The following RAP1GAP2 variants were observed in gnomAD, a reference collection of about 807,000 sequenced individuals.
RAP1GAP2 encodes RAP1 GTPase activating protein 2.
In RAP1GAP2, 27 loss-of-function variants were observed where a neutral mutation model predicts 95.0. The ratio of observed to expected loss-of-function variants is 0.28; its 90% CI spans 0.21 to 0.39. The LOEUF is 0.39. Ranked by LOEUF, RAP1GAP2 falls within the 10% of genes least tolerant of loss-of-function variation. The probability of loss-of-function intolerance (pLI) is 1.00; values close to 1 mark genes in which losing one functional copy is unlikely to be tolerated. For synonymous variants in RAP1GAP2, 373 were observed against 380.9 expected, an observed-to-expected ratio of 0.98 and a Z score of 0.24; for missense variants, 771 against 970.0, an observed-to-expected ratio of 0.79 and a Z score of 2.72.
intron 3 of RAP1GAP2, among the ~76,000 whole-genome samples, chr17:2,940,553 G>A (rs761432010): frequency 1.3e-5 from 2 of 152,212 alleles, no homozygotes; most frequent in Non-Finnish European, 1.5e-5. Context: ...TCTCTTCTTT[G>A]GGCTGTGGTT....
rs759866014 is a variant in RAP1GAP2, at chr17:2,963,947, C to T, written c.371C>T (p.Thr124Ile). 1.2e-6 allele frequency: 2 copies of T among 1,613,338 alleles called. No individual in the cohort carries two copies. Among genetic ancestry groups the T allele is most frequent in the African/African-American group, 1.3e-5 (1 of 74,960 alleles). The change falls in exon 7 of 25, where the codon ACA becomes ATA. Residue 124 changes from threonine to isoleucine, a missense_variant. Physicochemically the swap from Thr to Ile is moderately conservative, Grantham distance 89 (BLOSUM62 -1). Coordinates refer to ENST00000254695, the MANE Select transcript of RAP1GAP2 (RefSeq NM_015085.5). The surrounding 1 kb of genome is among the most constrained non-coding windows in gnomAD (Gnocchi z 4.8). ...IEDPENVGTP[T>I]SLGSSICEEE... is the part of the protein sequence containing the mutation. ...GACCCGGAGAACGTGGGCACCCCAA[C>T]ATCGCTGGGGAGCAGCATCTGTGAG... is the stretch of plus-strand genomic sequence containing the variant.
rs531409802 is a variant in RAP1GAP2 at position 2,873,060 on chromosome 17, G to A, written c.81-32224G>A. 3.7e-4 allele frequency among the ~76,000 whole-genome samples: 56 copies of A among 150,248 alleles called. No individual in the cohort carries two copies. The East Asian group carries it at 5.5e-3, about 15-fold the overall frequency. On this transcript the variant is annotated intron_variant, in intron 2 of 24. Coordinates refer to ENST00000254695, the MANE Select transcript of RAP1GAP2 (RefSeq NM_015085.5). ...GGAGGTTGCAGTGAGCTGAGATTGC[G>A]CCACCGCACTCCAGCCTAGGGGACA...
rs931211447 is a variant in RAP1GAP2, at chr17:2,853,963, C to T, written c.81-51321C>T. On this transcript the variant is annotated intron_variant, in intron 2 of 24. Coordinates refer to ENST00000254695, the MANE Select transcript of RAP1GAP2 (RefSeq NM_015085.5). ...GGAGCCGGGGCTGCGGGGACGCGGG[C>T]GGGCGAGGTCGGGCACCGCGGGCGG... 7 of 983,254 alleles carry T rather than the reference C, an allele frequency of 7.1e-6. No individual in the cohort carries two copies. In the African/African-American group the frequency reaches 1.1e-4, roughly 15 times the overall value. The allele number at this position is 983,254 out of a possible 1,614,324, so 60.9% of individuals were successfully genotyped here.
intron 2 of RAP1GAP2, among the ~76,000 whole-genome samples, chr17:2,820,100 C>T (rs1258138117): frequency 1.3e-5 from 2 of 152,038 alleles, no homozygotes; most frequent in African/African-American, 4.8e-5. Flanking sequence ...CTTTTTGGTG[C>T]CATGCATATT....
At chr17:3,009,659 C>T (rs1170599294) in intron 17 of RAP1GAP2, among the ~76,000 whole-genome samples, 1 of 152,156 alleles carries the variant, frequency 6.6e-6, no homozygotes, top group African/African-American at 2.4e-5. Context: ...CTAGTTGGGG[C>T]CAGCTGCCAA....
At chr17:2,876,333 TC>T (rs1321807094) in intron 2 of RAP1GAP2, among the ~76,000 whole-genome samples, 1 of 152,164 alleles carries the variant, frequency 6.6e-6, no homozygotes, top group Non-Finnish European at 1.5e-5. Flanking sequence ...CCCCAGGAGA[TC>T]CCGAGAACAA....
At chr17:2,878,631 CCTAA>C (rs1156698525) in intron 2 of RAP1GAP2, among the ~76,000 whole-genome samples, 2 of 152,194 alleles carry the variant, frequency 1.3e-5, no homozygotes, top group East Asian at 3.9e-4. Context: ...GGTTCATCAG[CCTAA>C]CTAAGGAAGG....
chr17:2,775,408 TG>T (rs1304649421), upstream of RAP1GAP2, among the ~76,000 whole-genome samples: 2 of 147,954 alleles, frequency 1.4e-5, no homozygotes, highest in Non-Finnish European at 1.5e-5. Flanking sequence ...TCCAAGAAAG[TG>T]ACATGTGAGC....
rs1443707756 is a variant in RAP1GAP2, at chr17:3,026,076, C to A, written c.1820C>A (p.Thr607Asn). 6.2e-7 allele frequency: 1 copy of A among 1,613,660 alleles called. No individual in the cohort carries two copies. The highest frequency in any genetic ancestry group is 8.5e-7 in the Non-Finnish European group (1 of 1,179,624). Residue 607 changes from threonine (T) to asparagine (N), a missense_variant, in exon 20 of 25, where the codon ACC becomes AAC. Physicochemically the swap from Thr to Asn is moderately conservative, Grantham distance 65 (BLOSUM62 0). Transcript: ENST00000254695. ...GHSSQEIKSE[T>N]SSNPSSPEIC... ...TCCTCTCAGGAGATAAAGTCTGAGA[C>A]CTCATCCAATCCCAGCTCTCCGGAA...
intron 2 of RAP1GAP2, among the ~76,000 whole-genome samples, chr17:2,860,675 C>T (rs2072347127): frequency 1.4e-5 from 2 of 143,232 alleles, no homozygotes; most frequent in South Asian, 4.5e-4. Flanking sequence ...GCGATCTCAG[C>T]TCACTGCAGC....
chr17:2,815,620 T>C lies in RAP1GAP2; in HGVS notation c.80+15070T>C, dbSNP rs1394951186. 2.6e-5 allele frequency among the ~76,000 whole-genome samples: 4 copies of C among 152,050 alleles called. No homozygotes were observed. In the East Asian group the frequency reaches 7.7e-4, roughly 29 times the overall value. On this transcript the variant is annotated intron_variant, in intron 2 of 24. Transcript: ENST00000254695. ...TCTCAGCCTCTTGAGTAGCTGGGAT[T>C]ACAGGCGCGCACCACCACGCCCAGC...
At position 2,968,229 on chromosome 17, in the gene RAP1GAP2, G is replaced by A. The variant is rs111835321; in HGVS notation, c.596+2586G>A. 2.0e-3 allele frequency among the ~76,000 whole-genome samples: 305 copies of A among 152,174 alleles called. 1 individual carries two copies. Among genetic ancestry groups the A allele is most frequent in the African/African-American group, 6.5e-3 (271 of 41,516 alleles). ...AGGAAACAGTTGCTGGTTAAGTTAG[G>A]GAGATAATAAAATAAAAATGGACAA... On this transcript the variant is annotated intron_variant, in intron 8 of 24. Transcript: ENST00000254695.
At chr17:3,006,110 G>C in intron 16 of RAP1GAP2, 69 bp downstream of exon 16, 1 of 1,131,528 alleles carries the variant, frequency 8.8e-7, no homozygotes, top group Non-Finnish European at 1.3e-6. Flanking sequence ...CTCATCCAGG[G>C]CTCCTCCATC....
chr17:2,821,486 C>G lies in RAP1GAP2; in HGVS notation c.80+20936C>G, dbSNP rs377427431. ...CACCTCCTAGGCTCAAGCGATCCTC[C>G]CACCTTAGCCTCCGGAGTAGCTGGG... is the stretch of plus-strand genomic sequence containing the variant. On this transcript the variant is annotated intron_variant, in intron 2 of 24. Coordinates refer to ENST00000254695, the MANE Select transcript of RAP1GAP2 (RefSeq NM_015085.5). 8.6e-5 allele frequency among the ~76,000 whole-genome samples: 13 copies of G among 151,968 alleles called. No individual in the cohort carries two copies. In the East Asian group the frequency reaches 2.5e-3, roughly 29 times the overall value.
At position 3,036,755 on chromosome 17, in the gene RAP1GAP2, CCT is replaced by C. The variant is rs1335702358; in HGVS notation, c.*3395_*3396del. On this transcript the variant is annotated 3_prime_UTR_variant, in exon 25 of 25. Coordinates refer to ENST00000254695, the MANE Select transcript of RAP1GAP2 (RefSeq NM_015085.5). Reference sequence around the variant, plus strand: ...GTCAAAGAAAAACTCTTCATTTCTCCCTGATTCTTAAACGAAGGTGGTTAATA... The same window carrying C: ...GTCAAAGAAAAACTCTTCATTTCTCCGATTCTTAAACGAAGGTGGTTAATA... 2.4e-4 allele frequency: 36 copies of C among 152,578 alleles called. No homozygotes were observed. Among genetic ancestry groups the C allele is most frequent in the African/African-American group, 6.8e-4 (28 of 41,424 alleles). 9.5% of individuals were successfully genotyped at this position (152,578 alleles called of 1,614,324 possible). A position where few individuals can be genotyped will look rare whatever the true frequency, so the allele number is the denominator to read the frequency against.
intron 17 of RAP1GAP2, among the ~76,000 whole-genome samples, chr17:3,015,796 G>A (rs2046744376): frequency 1.3e-5 from 2 of 150,738 alleles, no homozygotes; most frequent in Non-Finnish European, 1.5e-5. Flanking sequence ...ACTCCAGCCT[G>A]GGTGACAGAG....
intron 16 of RAP1GAP2, among the ~76,000 whole-genome samples, chr17:3,006,285 C>T (rs754403965): frequency 2.0e-5 from 3 of 151,758 alleles, no homozygotes; most frequent in Non-Finnish European, 4.4e-5. Context: ...TGCGCCACCA[C>T]GCCCAGCTAA....
intron 10 of RAP1GAP2, among the ~76,000 whole-genome samples, chr17:2,983,197 A>T (rs965103897): frequency 6.6e-6 from 1 of 151,856 alleles, no homozygotes; most frequent in African/African-American, 2.4e-5. Flanking sequence ...TTCCTCTCGC[A>T]TAACGCGTGG....
At chr17:2,881,500 A>T (rs910113222) in intron 2 of RAP1GAP2, among the ~76,000 whole-genome samples, 10 of 152,176 alleles carry the variant, frequency 6.6e-5, no homozygotes, top group Admixed American at 2.0e-4. Context: ...TCAGGGTTGA[A>T]TAATGTTCCT....
Sources: gnomAD v4.1 joint callset for allele counts (sites outside exome capture counted in the v4.1 genomes callset) on GRCh38, gnomAD v4.1.1 for gene constraint, Gnocchi (gnomAD v3.1) non-coding constraint, MANE v1.5 for transcripts, NCBI Gene and HGNC (gene_info 2026-07-23, HGNC 2026-07-21) for gene names.